FHIT: variants seen among roughly 807,000 people sequenced by gnomAD.
FHIT encodes the protein fragile histidine triad diadenosine triphosphatase.
A neutral mutation model predicts 17.9 loss-of-function variants in FHIT; 19 were observed. The observed-to-expected ratio is 1.06, with a 90% CI of 0.74 to 1.56. FHIT has a LOEUF of 1.56. Ranked by LOEUF, FHIT falls within the 40% of genes most tolerant of loss-of-function variation. The probability of loss-of-function intolerance (pLI) is 0.00; values close to 1 mark genes in which losing one functional copy is unlikely to be tolerated. For missense variants in FHIT, 248 were observed against 189.2 expected, an observed-to-expected ratio of 1.31 and a Z score of -1.82; for synonymous variants, 81 against 69.7, an observed-to-expected ratio of 1.16 and a Z score of -0.81.
chr3:60,365,477 T>C (rs1700070863), intron 5 of FHIT, among the ~76,000 whole-genome samples: 1 of 152,156 alleles, frequency 6.6e-6, no homozygotes, highest in Non-Finnish European at 1.5e-5. Flanking sequence ...TACATTAAAA[T>C]AGTAACTGAG....
intron 5 of FHIT, among the ~76,000 whole-genome samples, chr3:60,082,022 T>C (rs2736787): frequency 0.66 from 99,922 of 151,900 alleles, 33,975 homozygotes; most frequent in East Asian, 0.82. Context: ...GTTTGTTCCA[T>C]AGGTATATTG....
intron 4 of FHIT, among the ~76,000 whole-genome samples, chr3:60,655,087 G>GTAA: frequency 6.6e-6 from 1 of 152,254 alleles, no homozygotes; most frequent in South Asian, 2.1e-4. Flanking sequence ...AAAGTTTAGT[G>GTAA]TAAGTTAGTG....
chr3:59,895,647 C>T (rs1704037930), intron 8 of FHIT, among the ~76,000 whole-genome samples: 2 of 152,194 alleles, frequency 1.3e-5, no homozygotes, highest in African/African-American at 2.4e-5. Context: ...CTAGAATCCA[C>T]TTGCTTCTCT....
intron 5 of FHIT, among the ~76,000 whole-genome samples, chr3:60,073,265 G>C (rs958788993): frequency 2.8e-4 from 42 of 152,044 alleles, no homozygotes; most frequent in African/African-American, 9.9e-4. Context: ...AGAGTTTCCT[G>C]ACCCCTTTAA....
chr3:60,829,388 G>A (rs1702238169), intron 3 of FHIT, among the ~76,000 whole-genome samples: 1 of 152,134 alleles, frequency 6.6e-6, no homozygotes, highest in African/African-American at 2.4e-5. Context: ...TTTCTTCTTA[G>A]TTGCTGGATA....
intron 4 of FHIT, among the ~76,000 whole-genome samples, chr3:60,716,511 G>C (rs56381918): frequency 1.2e-4 from 18 of 152,130 alleles, no homozygotes; most frequent in Non-Finnish European, 2.1e-4. Context: ...CCAACTGGCA[G>C]GTCTTCAGGG....
chr3:60,118,667 C>A lies in FHIT; in HGVS notation c.104-104515G>T, dbSNP rs913112832. On this transcript the variant is annotated intron_variant, in intron 5 of 9. Coordinates refer to ENST00000492590, the MANE Select transcript of FHIT (RefSeq NM_002012.4). ...AATGCTAATATTAGAAAGTACATAC[C>A]TCCTATAATTACTTGCTTGGGCAAT... 2.6e-5 allele frequency among the ~76,000 whole-genome samples: 4 copies of A among 151,136 alleles called. No individual in the cohort carries two copies. In the South Asian group the frequency reaches 8.4e-4, roughly 32 times the overall value.
At chr3:59,919,564 C>T (rs1705304041) in intron 8 of FHIT, among the ~76,000 whole-genome samples, 1 of 152,156 alleles carries the variant, frequency 6.6e-6, no homozygotes, top group South Asian at 2.1e-4. Context: ...TCTTATGAAC[C>T]TTCTTATTTG....
chr3:60,493,132 A>C (rs1473717741), intron 5 of FHIT, among the ~76,000 whole-genome samples: 2 of 152,222 alleles, frequency 1.3e-5, no homozygotes, highest in African/African-American at 4.8e-5. Context: ...ATAAAGGTCA[A>C]CTGGAATTTA....
chr3:59,827,330 A>G (rs1701011965), intron 8 of FHIT, among the ~76,000 whole-genome samples: 1 of 152,234 alleles, frequency 6.6e-6, no homozygotes, highest in Non-Finnish European at 1.5e-5. Context: ...CAAGAGAATC[A>G]CATTTAAAGT....
intron 2 of FHIT, among the ~76,000 whole-genome samples, chr3:61,088,132 T>C (rs1289498565): frequency 2.0e-5 from 3 of 152,134 alleles, no homozygotes; most frequent in African/African-American, 7.2e-5. Flanking sequence ...ATCTCTGCCC[T>C]CAAGTTAAAA....
intron 8 of FHIT, among the ~76,000 whole-genome samples, chr3:59,802,271 C>T (rs1488154183): frequency 6.6e-6 from 1 of 152,158 alleles, no homozygotes; most frequent in East Asian, 1.9e-4. Flanking sequence ...CAGACAGAAG[C>T]CTGTGTGTGC....
intron 3 of FHIT, among the ~76,000 whole-genome samples, chr3:60,930,352 C>A (rs1245647280): frequency 6.6e-6 from 1 of 152,142 alleles, no homozygotes; most frequent in African/African-American, 2.4e-5. Context: ...TAACAAAAGA[C>A]AAAATTGACA....
At chr3:60,597,673 T>C (rs1347089000) in intron 4 of FHIT, among the ~76,000 whole-genome samples, 2 of 152,118 alleles carry the variant, frequency 1.3e-5, no homozygotes, top group East Asian at 3.9e-4. Flanking sequence ...AGTGTGAACA[T>C]GGGAGGGTAA....
At chr3:60,132,507 G>C (rs1297305756) in intron 5 of FHIT, among the ~76,000 whole-genome samples, 2 of 152,184 alleles carry the variant, frequency 1.3e-5, no homozygotes, top group Non-Finnish European at 2.9e-5. Flanking sequence ...ACAGGCCCTT[G>C]ATAGATGTTA....
chr3:60,105,314 A>C (rs1425458454), intron 5 of FHIT, among the ~76,000 whole-genome samples: 1 of 152,214 alleles, frequency 6.6e-6, no homozygotes, highest in East Asian at 1.9e-4. Context: ...CAGGACTTAG[A>C]AATAAATGCA....
At chr3:60,879,575 A>C (rs936379091) in intron 3 of FHIT, among the ~76,000 whole-genome samples, 1 of 152,246 alleles carries the variant, frequency 6.6e-6, no homozygotes, top group Non-Finnish European at 1.5e-5. Context: ...CCCTAATGAC[A>C]AGAAAATCAA....
intron 3 of FHIT, among the ~76,000 whole-genome samples, chr3:60,960,092 C>T (rs556935357): frequency 6.6e-6 from 1 of 151,578 alleles, no homozygotes; most frequent in Non-Finnish European, 1.5e-5. Context: ...CACTGCTTTC[C>T]GAATTCCAAA....
chr3:60,027,909 C>A (rs938023450), intron 5 of FHIT, among the ~76,000 whole-genome samples: 17 of 152,108 alleles, frequency 1.1e-4, no homozygotes, highest in African/African-American at 4.1e-4. Context: ...GGCTACTGAG[C>A]ACTTGAAATA....
Sources: gnomAD v4.1 joint callset for allele counts (sites outside exome capture counted in the v4.1 genomes callset) on GRCh38, gnomAD v4.1.1 for gene constraint, MANE v1.5 for transcripts, NCBI Gene and HGNC (gene_info 2026-07-23, HGNC 2026-07-21) for gene names.